KIRREL3: variants seen among roughly 807,000 people sequenced by gnomAD.
KIRREL3 encodes kirre like nephrin family adhesion molecule 3.
A neutral mutation model predicts 89.7 loss-of-function variants in KIRREL3; 36 were observed. That is an observed-to-expected ratio of 0.40 (90% CI 0.31 to 0.53). The LOEUF (loss-of-function observed/expected upper bound fraction) is 0.53. KIRREL3 is among the 20% of genes least tolerant of loss of function. The pLI, the probability that KIRREL3 is intolerant of heterozygous loss-of-function variation, is 0.49. For missense variants in KIRREL3, 864 were observed against 1,056.6 expected, an observed-to-expected ratio of 0.82 and a Z score of 2.53; for synonymous variants, 445 against 441.4, an observed-to-expected ratio of 1.01 and a Z score of -0.10.
intron 1 of KIRREL3, among the ~76,000 whole-genome samples, chr11:126,846,061 T>C (rs1473745233): frequency 6.6e-6 from 1 of 152,230 alleles, no homozygotes; most frequent in Non-Finnish European, 1.5e-5. Context: ...TTGTGTTATC[T>C]GATGGTTTTA....
rs769829664 is a variant in KIRREL3, at chr11:126,642,725, C to A, written c.56-79813G>T. 2.6e-5 allele frequency among the ~76,000 whole-genome samples: 4 copies of A among 152,154 alleles called. No individual in the cohort carries two copies. Among genetic ancestry groups the A allele is most frequent in the Non-Finnish European group, 5.9e-5 (4 of 68,028 alleles). On this transcript the variant is annotated intron_variant, in intron 1 of 16. Coordinates refer to ENST00000525144, the MANE Select transcript of KIRREL3 (RefSeq NM_032531.4). The surrounding 1 kb of genome is among the most constrained non-coding windows in gnomAD (Gnocchi z 4.9). ...TGACACAAAAGGGGTAGGCTAGAAC[C>A]AGAGTCACATAAGAACAGCCTTCTG...
At chr11:126,712,401 G>T (rs1055894167) in intron 1 of KIRREL3, among the ~76,000 whole-genome samples, 5 of 152,192 alleles carry the variant, frequency 3.3e-5, no homozygotes, top group Non-Finnish European at 7.3e-5. Context: ...AGAGCCCTCT[G>T]CCCCGTTGGT....
At chr11:126,921,845 T>C (rs1162466861) in intron 1 of KIRREL3, among the ~76,000 whole-genome samples, 1 of 150,556 alleles carries the variant, frequency 6.6e-6, no homozygotes, top group Non-Finnish European at 1.5e-5. Context: ...ATTATCTATC[T>C]ATCATCTATC....
chr11:126,548,898 C>A (rs557853150), intron 2 of KIRREL3, among the ~76,000 whole-genome samples: 5 of 152,292 alleles, frequency 3.3e-5, no homozygotes, highest in African/African-American at 1.2e-4. Context: ...CATCTGGAAG[C>A]ATCCACAGCC....
At chr11:126,800,979 C>A (rs1951014028) in intron 1 of KIRREL3, among the ~76,000 whole-genome samples, 1 of 152,148 alleles carries the variant, frequency 6.6e-6, no homozygotes, top group South Asian at 2.1e-4. Flanking sequence ...GGAGTGAGGA[C>A]ACGGGGAACA....
In KIRREL3 at chr11:126,909,028, AT is replaced by A. The variant is rs1426889702; in HGVS notation, c.55+91426del. On this transcript the variant is annotated intron_variant, in intron 1 of 16. Coordinates refer to ENST00000525144, the MANE Select transcript of KIRREL3 (RefSeq NM_032531.4). The surrounding 1 kb of genome is among the most constrained non-coding windows in gnomAD (Gnocchi z 4.5). ...AAAGTTGTTATGTTAAATTTGTGTT[AT>A]TTTTTATTGTTGATTTGTATTTTTC... 1.1e-4 allele frequency among the ~76,000 whole-genome samples: 17 copies of A among 152,234 alleles called. No individual in the cohort carries two copies. The highest frequency in any genetic ancestry group is 2.1e-4 in the South Asian group (1 of 4,816).
At chr11:126,793,409 C>T (rs1184749360) in intron 1 of KIRREL3, among the ~76,000 whole-genome samples, 3 of 152,164 alleles carry the variant, frequency 2.0e-5, no homozygotes, top group African/African-American at 7.2e-5. Context: ...GCTCTTAGTT[C>T]CTTTGGATGT....
At position 126,562,792 on chromosome 11, in the gene KIRREL3, C is replaced by T. The variant is rs541484524; in HGVS notation, c.133+43G>A. The T allele has an allele frequency of 3.9e-6, 6 of 1,534,078 alleles. No individual in the cohort carries two copies. The highest frequency in any genetic ancestry group is 1.7e-5 in the Admixed American group (1 of 59,844). On this transcript the variant is annotated intron_variant, in intron 2 of 16. Coordinates refer to ENST00000525144, the MANE Select transcript of KIRREL3 (RefSeq NM_032531.4). The surrounding 1 kb of genome is among the most constrained non-coding windows in gnomAD (Gnocchi z 4.7). ...CTGTGGCTGTAGGGGAGAGCTTCCT[C>T]CCTCCAGATTACTCCCGAGACAATG...
intron 1 of KIRREL3, among the ~76,000 whole-genome samples, chr11:126,646,975 T>C (rs1944715104): frequency 6.6e-6 from 1 of 152,222 alleles, no homozygotes; most frequent in Non-Finnish European, 1.5e-5. Flanking sequence ...GCATCAGATT[T>C]AAAAGAGACT....
upstream of KIRREL3, among the ~76,000 whole-genome samples, chr11:127,002,026 T>G (rs1240368425): frequency 2.0e-5 from 3 of 152,218 alleles, no homozygotes; most frequent in East Asian, 5.8e-4. Flanking sequence ...TGGGAAACTC[T>G]TAGCCTTTCC....
At position 126,715,836 on chromosome 11, in the gene KIRREL3, A is replaced by G. The variant is rs1474406419; in HGVS notation, c.56-152924T>C. 6.6e-6 allele frequency among the ~76,000 whole-genome samples: 1 copy of G among 152,194 alleles called. No individual in the cohort carries two copies. The highest frequency in any genetic ancestry group is 2.4e-5 in the African/African-American group (1 of 41,444). On this transcript the variant is annotated intron_variant, in intron 1 of 16. Transcript: ENST00000525144. This position sits in a 1 kb window ranked among gnomAD's most constrained non-coding sequence, Gnocchi z 4.4. The stretch of plus-strand genomic sequence containing the variant: ...CAGAGAGGCCAGTGTTCCACCGTCA[A>G]GAGCGCAGAAAAGCCCTTGGTGCTC...
intron 1 of KIRREL3, among the ~76,000 whole-genome samples, chr11:126,846,625 G>T (rs1944151372): frequency 6.6e-6 from 1 of 151,264 alleles, no homozygotes; most frequent in South Asian, 2.1e-4. Flanking sequence ...ATTGCTAAGA[G>T]TTAACATTGT....
chr11:126,626,935 T>G (rs1943811710), intron 1 of KIRREL3, among the ~76,000 whole-genome samples: 1 of 148,934 alleles, frequency 6.7e-6, no homozygotes, highest in South Asian at 2.1e-4. Flanking sequence ...TTGAACCCAG[T>G]GGGGCGGAGG....
chr11:126,894,542 C>CAAAAAAA (rs10630231), intron 1 of KIRREL3, among the ~76,000 whole-genome samples: 8 of 17,482 alleles, frequency 4.6e-4, no homozygotes, highest in African/African-American at 1.3e-3. Flanking sequence ...GACCTCATCT[C>CAAAAAAA]AAAAAAAAAA....
chr11:126,814,996 G>A lies in KIRREL3; in HGVS notation c.55+185459C>T, dbSNP rs1051691781. The stretch of plus-strand genomic sequence containing the variant: ...GATTCCTTTAGGTCACCTTCTTGCA[G>A]TTGTACCCTAAATTTAGAGGATTCA... On this transcript the variant is annotated intron_variant, in intron 1 of 16. Coordinates refer to ENST00000525144, the MANE Select transcript of KIRREL3 (RefSeq NM_032531.4). This position sits in a 1 kb window ranked among gnomAD's most constrained non-coding sequence, Gnocchi z 4.4. Among the ~76,000 whole-genome samples the A allele has an allele frequency of 1.2e-4, 19 of 152,114 alleles. No homozygotes were observed. Among genetic ancestry groups the A allele is most frequent in the African/African-American group, 4.6e-4 (19 of 41,408 alleles).
Position 126,429,427 on chromosome 11 carries a change from C to A in KIRREL3, c.1697-139G>T. Reference sequence around the variant, plus strand: ...CCCCTGAACTCAGCAGCTTCACCAGCCCCCCACCAATAGAACCTCCATATG... The same window carrying A: ...CCCCTGAACTCAGCAGCTTCACCAGACCCCCACCAATAGAACCTCCATATG... On this transcript the variant is annotated intron_variant, in intron 14 of 16. Coordinates refer to ENST00000525144, the MANE Select transcript of KIRREL3 (RefSeq NM_032531.4). This position sits in a 1 kb window ranked among gnomAD's most constrained non-coding sequence, Gnocchi z 5.2. The A allele has an allele frequency of 1.5e-6, 1 of 654,132 alleles. No homozygotes were observed. The highest frequency in any genetic ancestry group is 2.2e-5 in the Admixed American group (1 of 46,450). 40.5% of individuals were successfully genotyped at this position (654,132 alleles called of 1,614,324 possible). A position where few individuals can be genotyped will look rare whatever the true frequency, so the allele number is the denominator to read the frequency against.
intron 1 of KIRREL3, among the ~76,000 whole-genome samples, chr11:126,972,581 G>A (rs1476041879): frequency 6.6e-6 from 1 of 152,216 alleles, no homozygotes; most frequent in Non-Finnish European, 1.5e-5. Context: ...GAAGGAGCAG[G>A]CATTCTGACC....
In KIRREL3 at chr11:126,898,004, T is replaced by A. The variant is rs1946234213; in HGVS notation, c.55+102451A>T. ...GGTCTAGCACTATTGTGTCACTGAA[T>A]TCCTACAGAATCTTAGCAGTCATTG... On this transcript the variant is annotated intron_variant, in intron 1 of 16. Coordinates refer to ENST00000525144, the MANE Select transcript of KIRREL3 (RefSeq NM_032531.4). This position sits in a 1 kb window ranked among gnomAD's most constrained non-coding sequence, Gnocchi z 4.9. Among the ~76,000 whole-genome samples, 1 of 152,150 alleles carries A rather than the reference T, an allele frequency of 6.6e-6. No individual in the cohort carries two copies. Among genetic ancestry groups the A allele is most frequent in the Admixed American group, 6.5e-5 (1 of 15,278 alleles).
At chr11:126,829,059 G>A (rs1394672072) in intron 1 of KIRREL3, among the ~76,000 whole-genome samples, 5 of 152,228 alleles carry the variant, frequency 3.3e-5, no homozygotes, top group Non-Finnish European at 5.9e-5. Flanking sequence ...TTGTCTGCCT[G>A]CAAGTGTTCC....
Sources: gnomAD v4.1 joint callset for allele counts (sites outside exome capture counted in the v4.1 genomes callset) on GRCh38, gnomAD v4.1.1 for gene constraint, Gnocchi (gnomAD v3.1) non-coding constraint, MANE v1.5 for transcripts, NCBI Gene and HGNC (gene_info 2026-07-23, HGNC 2026-07-21) for gene names.